Variants in INPP5A observed in about 807,000 individuals in gnomAD.
The protein encoded by INPP5A is inositol polyphosphate-5-phosphatase A.
Under a neutral mutation model 65.2 loss-of-function variants are expected in INPP5A, and 14 were observed. The ratio of observed to expected loss-of-function variants is 0.21; its 90% CI spans 0.14 to 0.34. The LOEUF is 0.34. Among genes scored for constraint, INPP5A ranks in the 10% least tolerant of loss-of-function variants. INPP5A has a pLI of 1.00. For missense variants in INPP5A, 431 were observed against 545.6 expected, an observed-to-expected ratio of 0.79 and a Z score of 2.09; for synonymous variants, 207 against 208.3, an observed-to-expected ratio of 0.99 and a Z score of 0.05.
rs1172078163 is a variant in INPP5A, at chr10:132,603,164, G to C, written c.76-4751G>C. ...GTCTCTGCCTTCCGAAGCTACAAAG[G>C]GGAAGAGTTGGGCCTTCTGGGCGGC... On this transcript the variant is annotated intron_variant, in intron 1 of 15. Transcript: ENST00000368594. This position sits in a 1 kb window ranked among gnomAD's most constrained non-coding sequence, Gnocchi z 4.2. Among the ~76,000 whole-genome samples, 1 of 152,160 alleles carries C rather than the reference G, an allele frequency of 6.6e-6. No homozygotes were observed. Among genetic ancestry groups the C allele is most frequent in the East Asian group, 1.9e-4 (1 of 5,200 alleles).
At chr10:132,645,569 AT>A (rs1248148902) in intron 2 of INPP5A, among the ~76,000 whole-genome samples, 2 of 152,184 alleles carry the variant, frequency 1.3e-5, no homozygotes, top group African/African-American at 2.4e-5. Context: ...CACGCATAAC[AT>A]TTTTTTAACT....
At chr10:132,633,948 C>G (rs1238048729) in intron 2 of INPP5A, among the ~76,000 whole-genome samples, 1 of 152,230 alleles carries the variant, frequency 6.6e-6, no homozygotes, top group Non-Finnish European at 1.5e-5. Context: ...GACCCCTCCA[C>G]CTGCTCTTCC....
chr10:132,641,546 T>C (rs1036107247), intron 2 of INPP5A, among the ~76,000 whole-genome samples: 1 of 152,218 alleles, frequency 6.6e-6, no homozygotes, highest in African/African-American at 2.4e-5. Context: ...CAGAGGGCGA[T>C]TTTCTGAGCC....
chr10:132,683,461 C>A (rs778099663), intron 4 of INPP5A, among the ~76,000 whole-genome samples: 1 of 152,104 alleles, frequency 6.6e-6, no homozygotes, highest in Non-Finnish European at 1.5e-5. Flanking sequence ...TATATATGCA[C>A]GCATGTTTAA....
intron 4 of INPP5A, among the ~76,000 whole-genome samples, chr10:132,679,808 G>A (rs756239953): frequency 3.5e-4 from 53 of 152,262 alleles, no homozygotes; most frequent in Non-Finnish European, 7.1e-4. Context: ...GGGACAGCCA[G>A]GAGGCACCCT....
chr10:132,765,761 T>C lies in INPP5A; in HGVS notation c.904-12T>C. 11 of 1,568,232 alleles carry C rather than the reference T, an allele frequency of 7.0e-6. No homozygotes were observed. The highest frequency in any genetic ancestry group is 9.7e-6 in the Non-Finnish European group (11 of 1,138,160). ...CAATGTGACTTTATTTTCTGCTCTT[T>C]CTTTTCTTTAGCTCTTGGAGTTTGA... On this transcript the variant is annotated splice_polypyrimidine_tract_variant and intron_variant, in intron 11 of 15. Coordinates refer to ENST00000368594, the MANE Select transcript of INPP5A (RefSeq NM_005539.5).
intron 4 of INPP5A, among the ~76,000 whole-genome samples, chr10:132,682,880 A>C (rs572955848): frequency 6.6e-6 from 1 of 150,774 alleles, no homozygotes; most frequent in Admixed American, 6.6e-5. Flanking sequence ...ATATGCACGC[A>C]CGTTTAATCT....
At chr10:132,598,847 AT>A (rs2133327167) in intron 1 of INPP5A, among the ~76,000 whole-genome samples, 1 of 152,364 alleles carries the variant, frequency 6.6e-6, no homozygotes, top group Non-Finnish European at 1.5e-5. Flanking sequence ...CACTTCTTAA[AT>A]GGCTGCAGCA....
At chr10:132,664,603 G>T (rs965540006) in intron 4 of INPP5A, among the ~76,000 whole-genome samples, 3 of 152,220 alleles carry the variant, frequency 2.0e-5, no homozygotes, top group Non-Finnish European at 4.4e-5. Context: ...CCGCTGTGTG[G>T]GGGTGGCTGG....
rs987603016 is a variant in INPP5A at position 132,753,134 on chromosome 10, C to T, written c.903+3289C>T. Among the ~76,000 whole-genome samples, 11 of 152,306 alleles carry T rather than the reference C, an allele frequency of 7.2e-5. No homozygotes were observed. The highest frequency in any genetic ancestry group is 2.1e-4 in the South Asian group (1 of 4,832). On this transcript the variant is annotated intron_variant, in intron 11 of 15. Transcript: ENST00000368594. The surrounding 1 kb of genome is among the most constrained non-coding windows in gnomAD (Gnocchi z 5.3). Reference sequence around the variant, plus strand: ...CCTGGGACGACGGCACCTTCGGGAACGCCCCATGGGTTCCTGCTGACCCGG... The same window carrying T: ...CCTGGGACGACGGCACCTTCGGGAATGCCCCATGGGTTCCTGCTGACCCGG...
At position 132,545,527 on chromosome 10, in the gene INPP5A, G is replaced by A. The variant is rs564331645; in HGVS notation, c.75+7356G>A. On this transcript the variant is annotated intron_variant, in intron 1 of 15. Coordinates refer to ENST00000368594, the MANE Select transcript of INPP5A (RefSeq NM_005539.5). The surrounding 1 kb of genome is among the most constrained non-coding windows in gnomAD (Gnocchi z 4.6). ...TCTGTGCCCCACTGCCCCTGCCGGG[G>A]TGTTCCCGCTGTCTCCTGGGCGGGT... 1.5e-4 allele frequency among the ~76,000 whole-genome samples: 23 copies of A among 152,330 alleles called. No individual in the cohort carries two copies. Among genetic ancestry groups the A allele is most frequent in the Admixed American group, 3.9e-4 (6 of 15,308 alleles).
intron 1 of INPP5A, among the ~76,000 whole-genome samples, chr10:132,597,863 T>TGG (rs2071725842): frequency 6.6e-6 from 1 of 150,970 alleles, no homozygotes; most frequent in South Asian, 2.1e-4. Context: ...GCAGTGACTC[T>TGG]GGGTCTGTGG....
At chr10:132,769,957 C>T (rs1202174098) in intron 12 of INPP5A, among the ~76,000 whole-genome samples, 1 of 152,230 alleles carries the variant, frequency 6.6e-6, no homozygotes, top group African/African-American at 2.4e-5. Flanking sequence ...TGAGAATTAA[C>T]CGCCATTAAC....
At chr10:132,579,124 A>C (rs141364455) in intron 1 of INPP5A, among the ~76,000 whole-genome samples, 1,706 of 151,816 alleles carry the variant, frequency 0.011, 17 homozygotes, top group Middle Eastern at 0.017. Flanking sequence ...CTGTGAAATG[A>C]GCTGGGCTTC....
intron 4 of INPP5A, among the ~76,000 whole-genome samples, chr10:132,666,152 G>A (rs1231731538): frequency 1.4e-5 from 2 of 141,240 alleles, no homozygotes; most frequent in Admixed American, 7.2e-5. Flanking sequence ...TTTACTCAGC[G>A]CTTCCTCCCA....
chr10:132,757,803 G>A (rs1846655066), intron 11 of INPP5A, among the ~76,000 whole-genome samples: 1 of 132,766 alleles, frequency 7.5e-6, no homozygotes, highest in Non-Finnish European at 1.7e-5. Context: ...GCACCATGGC[G>A]TGGGTGCCCG....
intron 1 of INPP5A, among the ~76,000 whole-genome samples, chr10:132,596,983 G>A (rs1044953634): frequency 2.6e-5 from 4 of 151,734 alleles, no homozygotes; most frequent in Admixed American, 6.6e-5. Flanking sequence ...ATGCGTGTGT[G>A]CATGCACGTG....
chr10:132,773,274 G>GA (rs1392731780), intron 12 of INPP5A, among the ~76,000 whole-genome samples: 2 of 152,210 alleles, frequency 1.3e-5, no homozygotes, highest in East Asian at 1.9e-4. Context: ...GGTCCAGTGG[G>GA]AAAAAATCAC....
In INPP5A at chr10:132,688,795, CGT is replaced by C. The variant is rs60298053; in HGVS notation, c.307-1591_307-1590del. 5.8e-3 allele frequency among the ~76,000 whole-genome samples: 851 copies of C among 145,634 alleles called. 6 individuals carry two copies. Among genetic ancestry groups the C allele is most frequent in the African/African-American group, 0.021 (798 of 38,562 alleles). On this transcript the variant is annotated intron_variant, in intron 4 of 15. Transcript: ENST00000368594. ...GAATGAGTTCGTGTGTGAGCAAGTG[CGT>C]GTGTGCACCAGTGTGAGTGCATGAC...
Sources: gnomAD v4.1 joint callset for allele counts (sites outside exome capture counted in the v4.1 genomes callset) on GRCh38, gnomAD v4.1.1 for gene constraint, Gnocchi (gnomAD v3.1) non-coding constraint, MANE v1.5 for transcripts, NCBI Gene and HGNC (gene_info 2026-07-23, HGNC 2026-07-21) for gene names.